The following SNX29 variants were observed in gnomAD, a reference collection of about 807,000 sequenced individuals.
SNX29 encodes sorting nexin 29, also known as sorting nexin-29.
Under a neutral mutation model 102.1 loss-of-function variants are expected in SNX29, and 78 were observed. The ratio of observed to expected loss-of-function variants is 0.76; its 90% confidence interval spans 0.64 to 0.92. The LOEUF (loss-of-function observed/expected upper bound fraction) is 0.92, where lower values mean the gene tolerates loss of function less well. SNX29 is among the 40% of genes least tolerant of loss of function. SNX29 has a pLI of 0.00. For missense variants in SNX29, 1,280 were observed against 1,061.7 expected, an observed-to-expected ratio of 1.21 and a Z score of -2.86; for synonymous variants, 580 against 414.5, an observed-to-expected ratio of 1.40 and a Z score of -4.85.
intron 19 of SNX29, among the ~76,000 whole-genome samples, chr16:12,480,402 A>G (rs1051843515): frequency 4.6e-5 from 7 of 151,638 alleles, no homozygotes; most frequent in Admixed American, 2.0e-4. Context: ...TCATAGTCAC[A>G]TTTTTCTCTG....
intron 16 of SNX29, among the ~76,000 whole-genome samples, chr16:12,362,551 ACTCCCCCC>A (rs1567479572): frequency 6.0e-4 from 14 of 23,516 alleles, no homozygotes; most frequent in African/African-American, 1.4e-3. Flanking sequence ...TGGCTGCTGC[ACTCCCCCC>A]CCACCCCCCC....
intron 20 of SNX29, among the ~76,000 whole-genome samples, chr16:12,536,563 G>C (rs1357234928): frequency 6.6e-6 from 1 of 152,138 alleles, no homozygotes; most frequent in African/African-American, 2.4e-5. Flanking sequence ...CCCTACCTCA[G>C]AAAGTTGCAG....
At chr16:11,992,150 C>T (rs894913361) in intron 1 of SNX29, among the ~76,000 whole-genome samples, 26 of 152,040 alleles carry the variant, frequency 1.7e-4, no homozygotes, top group African/African-American at 5.8e-4. Context: ...CAAAATTAGC[C>T]CAGTGTGGTG....
At chr16:12,182,256 G>A (rs1015150836) in intron 13 of SNX29, among the ~76,000 whole-genome samples, 3 of 144,838 alleles carry the variant, frequency 2.1e-5, no homozygotes, top group East Asian at 2.0e-4. Flanking sequence ...TGTCACTGTC[G>A]TCTTTCCAGA....
intron 16 of SNX29, among the ~76,000 whole-genome samples, chr16:12,364,453 C>G (rs962099100): frequency 9.0e-5 from 13 of 145,094 alleles, no homozygotes; most frequent in Non-Finnish European, 1.8e-4. Flanking sequence ...TTTTAGGACT[C>G]TTATTATGTT....
At position 12,572,467 on chromosome 16, in the gene SNX29, C is replaced by A; in HGVS notation, c.*3838C>A. Reference sequence around the variant, plus strand: ...GTTCTGCATGGTACATTTTGCCAACCCTGAGGACCAGTTCTTGGGGTTCCA... The same window carrying A: ...GTTCTGCATGGTACATTTTGCCAACACTGAGGACCAGTTCTTGGGGTTCCA... On this transcript the variant is annotated 3_prime_UTR_variant, in exon 21 of 21. Coordinates refer to ENST00000566228, the MANE Select transcript of SNX29 (RefSeq NM_032167.5). 5 of 1,063,764 alleles carry A rather than the reference C, an allele frequency of 4.7e-6. No individual in the cohort carries two copies. Among genetic ancestry groups the A allele is most frequent in the Non-Finnish European group, 4.6e-6 (4 of 878,320 alleles). 65.9% of individuals were successfully genotyped at this position (1,063,764 alleles called of 1,614,324 possible).
At chr16:12,197,821 G>A (rs954713899) in intron 13 of SNX29, among the ~76,000 whole-genome samples, 2 of 151,884 alleles carry the variant, frequency 1.3e-5, no homozygotes, top group Non-Finnish European at 2.9e-5. Flanking sequence ...CTCAGGTGAT[G>A]CCTGAGTCTA....
chr16:12,052,243 G>A, intron 8 of SNX29, 21 bp downstream of exon 8: 1 of 1,613,102 alleles, frequency 6.2e-7, no homozygotes, highest in South Asian at 1.1e-5. Flanking sequence ...GTGTAAGGTG[G>A]AGTCTCACCG....
At chr16:12,433,297 G>A (rs1195532566) in intron 18 of SNX29, among the ~76,000 whole-genome samples, 1 of 152,056 alleles carries the variant, frequency 6.6e-6, no homozygotes, top group East Asian at 1.9e-4. Flanking sequence ...TCCACTGATT[G>A]GAACACCCCA....
At chr16:12,253,987 G>C (rs2078495648) in intron 14 of SNX29, among the ~76,000 whole-genome samples, 1 of 152,152 alleles carries the variant, frequency 6.6e-6, no homozygotes, top group Admixed American at 6.5e-5. Context: ...GGATTTCCAG[G>C]AACACGGGCT....
intron 20 of SNX29, among the ~76,000 whole-genome samples, chr16:12,550,001 A>T (rs554171156): frequency 6.6e-6 from 1 of 152,246 alleles, no homozygotes; most frequent in African/African-American, 2.4e-5. Context: ...GCTTCTTATT[A>T]TAAGGGCAAA....
chr16:12,458,343 G>C (rs1159768658), intron 18 of SNX29, among the ~76,000 whole-genome samples: 1 of 152,122 alleles, frequency 6.6e-6, no homozygotes, highest in African/African-American at 2.4e-5. Context: ...GGGACAGGGA[G>C]GCAGAAGTCT....
At chr16:12,114,840 C>T (rs76978124) in intron 11 of SNX29, among the ~76,000 whole-genome samples, 1 of 152,052 alleles carries the variant, frequency 6.6e-6, no homozygotes, top group Non-Finnish European at 1.5e-5. Context: ...TAATTTAGGG[C>T]AAATCACTTC....
At chr16:12,313,050 T>C (rs1363847164) in intron 15 of SNX29, among the ~76,000 whole-genome samples, 1 of 151,498 alleles carries the variant, frequency 6.6e-6, no homozygotes. Flanking sequence ...AGTATCACTC[T>C]GTCACCCAGG....
At chr16:12,403,347 C>T in intron 17 of SNX29, 101 bp from the exon 18 acceptor site, 4 of 1,118,714 alleles carry the variant, frequency 3.6e-6, no homozygotes, top group Admixed American at 2.2e-5. Context: ...GTGCATAATA[C>T]CTCTTGGAGT....
chr16:12,176,087 G>A (rs538418799), intron 13 of SNX29, among the ~76,000 whole-genome samples: 178 of 146,890 alleles, frequency 1.2e-3, no homozygotes, highest in Non-Finnish European at 2.2e-3. Flanking sequence ...TGTGAGGAGT[G>A]GGGGGAAAAG....
Position 12,380,937 on chromosome 16 carries a change from CCAT to C in SNX29, c.1900-17507_1900-17505del, listed in dbSNP as rs1161574811. Among the ~76,000 whole-genome samples the C allele has an allele frequency of 1.7e-3, 88 of 53,054 alleles. 1 individual carries two copies. In the African/African-American group the frequency reaches 0.017, roughly 10 times the overall value. The allele number at this position is 53,054 out of a possible 152,430, so 34.8% of individuals were successfully genotyped here. A position where few individuals can be genotyped will look rare whatever the true frequency, so the allele number is the denominator to read the frequency against. ...CATCCACCCACCATCCATCCATCCA[CCAT>C]CCATCCATCCACCCATCCATCAATT... On this transcript the variant is annotated intron_variant, in intron 16 of 20. Coordinates refer to ENST00000566228, the MANE Select transcript of SNX29 (RefSeq NM_032167.5).
intron 20 of SNX29, among the ~76,000 whole-genome samples, chr16:12,543,977 G>A (rs930277878): frequency 2.6e-5 from 4 of 152,320 alleles, no homozygotes; most frequent in Non-Finnish European, 2.9e-5. Context: ...AATGGTCTCA[G>A]CCAAGGTCAC....
chr16:12,450,301 G>T (rs1245175272), intron 18 of SNX29, among the ~76,000 whole-genome samples: 1 of 152,222 alleles, frequency 6.6e-6, no homozygotes, highest in Non-Finnish European at 1.5e-5. Context: ...CAGGGTGCAG[G>T]GAAGAGAGGG....
Sources: allele counts gnomAD v4.1 joint callset (sites outside exome capture counted in the v4.1 genomes callset), GRCh38; gene constraint gnomAD v4.1.1; transcripts MANE v1.5; gene names NCBI Gene and HGNC (gene_info 2026-07-23, HGNC 2026-07-21).